The following GSKIP variants were observed in gnomAD, a reference collection of about 807,000 sequenced individuals.
GSKIP encodes GSK3B-interacting protein.
A neutral mutation model predicts 11.9 loss-of-function variants in GSKIP; 5 were observed. The ratio of observed to expected loss-of-function variants is 0.42; its 90% CI spans 0.22 to 0.89. The LOEUF (loss-of-function observed/expected upper bound fraction) is 0.89. Ranked by LOEUF, GSKIP falls within the 40% of genes least tolerant of loss-of-function variation. The pLI is 0.29. For synonymous variants in GSKIP, 70 were observed against 62.9 expected (o/e 1.11, Z -0.54); for missense variants, 150 against 166.6 (o/e 0.90, Z 0.55).
At chr14:96,367,770 G>C (rs1888930047) in intron 1 of GSKIP, among the ~76,000 whole-genome samples, 1 of 152,118 alleles carries the variant, frequency 6.6e-6, no homozygotes, top group Admixed American at 6.5e-5. Context: ...AGAAAGAGCT[G>C]GTTCCTAAAT....
intron 1 of GSKIP, among the ~76,000 whole-genome samples, chr14:96,375,932 A>G (rs1193758898): frequency 6.6e-6 from 1 of 152,204 alleles, no homozygotes. Flanking sequence ...ATGATAACCC[A>G]TTAAACTATT....
chr14:96,371,442 C>CTTT (rs570686090), intron 1 of GSKIP, among the ~76,000 whole-genome samples: 2 of 112,796 alleles, frequency 1.8e-5, no homozygotes, highest in Admixed American at 9.0e-5. Flanking sequence ...TATCAACAAT[C>CTTT]TTTTTTTTTT....
At chr14:96,373,585 T>C (rs76984026) in intron 1 of GSKIP, among the ~76,000 whole-genome samples, 3,989 of 151,964 alleles carry the variant, frequency 0.026, 88 homozygotes, top group Non-Finnish European at 0.043. Flanking sequence ...TTAATAATCA[T>C]TTCTGTTCTT....
At chr14:96,383,333 C>T (rs1455327756) in intron 3 of GSKIP, among the ~76,000 whole-genome samples, 2 of 151,112 alleles carry the variant, frequency 1.3e-5, no homozygotes, top group Non-Finnish European at 1.5e-5. Flanking sequence ...CCTATGAGTT[C>T]GAGGTTGCAG....
intron 3 of GSKIP, among the ~76,000 whole-genome samples, chr14:96,382,892 A>G (rs576879867): frequency 1.6e-4 from 25 of 152,336 alleles, no homozygotes; most frequent in Non-Finnish European, 1.2e-4. Flanking sequence ...TTCTGTTAAA[A>G]TAACATACTT....
chr14:96,381,018 G>A (rs1049685665), intron 2 of GSKIP, among the ~76,000 whole-genome samples: 3 of 152,174 alleles, frequency 2.0e-5, no homozygotes, highest in African/African-American at 4.8e-5. Flanking sequence ...CTTCATTCAC[G>A]ACAGCAGATG....
intron 3 of GSKIP, 110 bp downstream of exon 3, chr14:96,382,615 T>G (rs956370647): frequency 9.6e-6 from 6 of 621,970 alleles, no homozygotes; most frequent in Non-Finnish European, 1.5e-5. Context: ...GGATATTCAG[T>G]AGCTTCCAAA....
Position 96,385,685 on chromosome 14 carries a change from C to T in GSKIP, c.*1C>T. 1 of 1,607,590 alleles carries T rather than the reference C, an allele frequency of 6.2e-7. No individual in the cohort carries two copies. Among genetic ancestry groups the T allele is most frequent in the Non-Finnish European group, 8.5e-7 (1 of 1,177,646 alleles). ...TTTGAAAAGAGATGGACAGTCATGA[C>T]TACACTTTTTCCTTTCAGAGGGGCT... is the stretch of plus-strand genomic sequence containing the variant. On this transcript the variant is annotated 3_prime_UTR_variant, in exon 4 of 4. Transcript: ENST00000555181.
At position 96,377,475 on chromosome 14, in the gene GSKIP, G is replaced by T. The variant is rs77065967; in HGVS notation, c.-102-2213G>T. ...CCTCAATGGTACAGGCTTCTAGTCAGGTACACAGATAATCCATTGAGCAGA... is the reference window on the plus strand; with the variant it reads ...CCTCAATGGTACAGGCTTCTAGTCATGTACACAGATAATCCATTGAGCAGA... On this transcript the variant is annotated intron_variant, in intron 1 of 3. Coordinates refer to ENST00000555181, the MANE Select transcript of GSKIP (RefSeq NM_016472.5). Among the ~76,000 whole-genome samples the T allele has an allele frequency of 3.1e-3, 466 of 152,222 alleles. 2 individuals are homozygous for T. Among genetic ancestry groups the T allele is most frequent in the African/African-American group, 0.011 (443 of 41,522 alleles).
At position 96,385,662 on chromosome 14, in the gene GSKIP, T is replaced by G; in HGVS notation, c.398T>G (p.Leu133Trp). 2 of 1,612,872 alleles carry G rather than the reference T, an allele frequency of 1.2e-6. No individual in the cohort carries two copies. Among genetic ancestry groups the G allele is most frequent in the South Asian group, 2.2e-5 (2 of 91,026 alleles). The change falls in exon 4 of 4, where the codon TTG becomes TGG. Residue 133 changes from leucine to tryptophan, a missense_variant. Transcript: ENST00000555181. ...GCACTGCTTCAAAGACTGGAAGCTT[T>G]GAAAAGAGATGGACAGTCATGACTA... is the stretch of plus-strand genomic sequence containing the variant. ...GNALLQRLEA[L>W]KRDGQS
chr14:96,387,035 T>G lies in GSKIP; in HGVS notation c.*1351T>G, dbSNP rs1481881192. The G allele has an allele frequency of 1.3e-5, 2 of 152,224 alleles. No individual in the cohort carries two copies. Among genetic ancestry groups the G allele is most frequent in the African/African-American group, 4.8e-5 (2 of 41,454 alleles). 9.4% of individuals were successfully genotyped at this position (152,224 alleles called of 1,614,324 possible). On this transcript the variant is annotated 3_prime_UTR_variant, in exon 4 of 4. Transcript: ENST00000555181. ...ATTAAAGTTCAGTTTGTGTCACAAT[T>G]CATTGCCAGACTTCATTGGAATGCT... is the stretch of plus-strand genomic sequence containing the variant.
chr14:96,379,751 TTC>T lies in GSKIP; in HGVS notation c.-38_-37del. 6.6e-6 allele frequency: 1 copy of T among 152,218 alleles called. No homozygotes were observed. The highest frequency in any genetic ancestry group is 1.5e-5 in the Non-Finnish European group (1 of 68,040). 9.4% of individuals were successfully genotyped at this position (152,218 alleles called of 1,614,324 possible). A position where few individuals can be genotyped will look rare whatever the true frequency, so the allele number is the denominator to read the frequency against. ...CACTGACCTGTGAGGATTCCTTCCCTTCAGGTACTGGATTCTTGATCTTTCTG... is the reference window on the plus strand; with the variant it reads ...CACTGACCTGTGAGGATTCCTTCCCTAGGTACTGGATTCTTGATCTTTCTG... On this transcript the variant is annotated 5_prime_UTR_variant, in exon 2 of 4. Coordinates refer to ENST00000555181, the MANE Select transcript of GSKIP (RefSeq NM_016472.5).
At chr14:96,377,084 G>A (rs1889222962) in intron 1 of GSKIP, among the ~76,000 whole-genome samples, 1 of 152,130 alleles carries the variant, frequency 6.6e-6, no homozygotes. Context: ...TTATCTGCAA[G>A]TTTTCACAGA....
At chr14:96,368,945 A>G (rs1047631485) in intron 1 of GSKIP, among the ~76,000 whole-genome samples, 1 of 152,244 alleles carries the variant, frequency 6.6e-6, no homozygotes, top group Non-Finnish European at 1.5e-5. Context: ...CTCAGAAAAC[A>G]GGAAGATGAA....
chr14:96,380,909 C>G (rs2139941931), intron 2 of GSKIP, among the ~76,000 whole-genome samples: 2 of 152,288 alleles, frequency 1.3e-5, no homozygotes, highest in Middle Eastern at 6.8e-3. Context: ...TCTAATCTAA[C>G]TCCAGTGTGG....
At chr14:96,368,578 G>A (rs1360777027) in intron 1 of GSKIP, among the ~76,000 whole-genome samples, 2 of 152,184 alleles carry the variant, frequency 1.3e-5, no homozygotes, top group Non-Finnish European at 2.9e-5. Flanking sequence ...TTTGGATATG[G>A]TTTGGCCCCA....
chr14:96,384,979 AAC>A (rs1318334008), intron 3 of GSKIP, among the ~76,000 whole-genome samples: 5 of 152,138 alleles, frequency 3.3e-5, no homozygotes, highest in Non-Finnish European at 7.4e-5. Context: ...ATTATTAATA[AAC>A]AATTATTAAA....
rs567092182 is a variant in GSKIP, at chr14:96,368,132, C to T, written c.-103+4564C>T. On this transcript the variant is annotated intron_variant, in intron 1 of 3. Coordinates refer to ENST00000555181, the MANE Select transcript of GSKIP (RefSeq NM_016472.5). ...TTTTGAGTGTCTTTTCCTAGAGTCTCATTTACAGTTTCTGGTTTCGAAGGA... is the reference window on the plus strand; with the variant it reads ...TTTTGAGTGTCTTTTCCTAGAGTCTTATTTACAGTTTCTGGTTTCGAAGGA... Among the ~76,000 whole-genome samples the T allele has an allele frequency of 1.8e-3, 269 of 147,218 alleles. 2 individuals are homozygous for T. The highest frequency in any genetic ancestry group is 3.4e-3 in the Non-Finnish European group (228 of 67,094).
In GSKIP at chr14:96,382,277, A is replaced by G; in HGVS notation, c.30A>G (p.Leu10=). ...AAACAGACTGTAATCCCATGGAGCT[A>G]AGCAGTATGTCAGGATTTGAAGAAG... is the stretch of plus-strand genomic sequence containing the variant. METDCNPME[L]SSMSGFEEGS... The change falls in exon 3 of 4, where the codon CTA becomes CTG. Residue 10 remains leucine (L), a synonymous_variant. Transcript: ENST00000555181. 1 of 1,612,012 alleles carries G rather than the reference A, an allele frequency of 6.2e-7. No homozygotes were observed. The highest frequency in any genetic ancestry group is 8.5e-7 in the Non-Finnish European group (1 of 1,178,650).
Sources: allele counts gnomAD v4.1 joint callset (sites outside exome capture counted in the v4.1 genomes callset), GRCh38; gene constraint gnomAD v4.1.1; transcripts MANE v1.5; gene names NCBI Gene and HGNC (gene_info 2026-07-23, HGNC 2026-07-21).